The following NSMF variants were observed in gnomAD, a reference collection of about 807,000 sequenced individuals.
The protein encoded by NSMF is nasal embryonic LHRH factor.
NSMF carries 31 observed loss-of-function variants against 71.0 expected under a neutral mutation model. That is an observed-to-expected ratio of 0.44 (90% CI 0.33 to 0.59). The LOEUF (loss-of-function observed/expected upper bound fraction) is 0.59. NSMF is among the 20% of genes least tolerant of loss of function. The probability of loss-of-function intolerance (pLI) is 0.04; values close to 1 mark genes in which losing one functional copy is unlikely to be tolerated. For missense variants in NSMF, 673 were observed against 740.5 expected, an observed-to-expected ratio of 0.91 and a Z score of 1.06; for synonymous variants, 345 against 287.1, an observed-to-expected ratio of 1.20 and a Z score of -2.04.
intron 7 of NSMF, 91 bp downstream of exon 7, chr9:137,454,300 G>A (rs934546699): frequency 2.4e-6 from 3 of 1,264,640 alleles, no homozygotes; most frequent in Non-Finnish European, 3.4e-6. Flanking sequence ...GGGTTGGGGC[G>A]GGGGTCGTTC....
Position 137,453,635 on chromosome 9 carries a change from G to A in NSMF, c.922+96C>T. 1.1e-6 allele frequency: 1 copy of A among 911,456 alleles called. No homozygotes were observed. The highest frequency in any genetic ancestry group is 1.6e-6 in the Non-Finnish European group (1 of 612,214). The allele number at this position is 911,456 out of a possible 1,614,324, so 56.5% of individuals were successfully genotyped here. A position where few individuals can be genotyped will look rare whatever the true frequency, so the allele number is the denominator to read the frequency against. On this transcript the variant is annotated intron_variant, in intron 8 of 15. Transcript: ENST00000371475. This position sits in a 1 kb window ranked among gnomAD's most constrained non-coding sequence, Gnocchi z 4.5. ...TAAACCAAGATTCAGGAGTGCAAAA[G>A]CGCAGCCCAGCGGCCCTGGCAGGGG... is the stretch of plus-strand genomic sequence containing the variant.
chr9:137,456,589 A>C, intron 3 of NSMF, 103 bp from the exon 4 acceptor site: 11 of 735,210 alleles, frequency 1.5e-5, no homozygotes, highest in East Asian at 5.9e-5. Context: ...GGGTCAGCAG[A>C]AGCTGGCAGC....
chr9:137,449,465 C>T lies in NSMF; in HGVS notation c.1522G>A (p.Asp508Asn). The T allele has an allele frequency of 6.2e-7, 1 of 1,612,914 alleles. No homozygotes were observed. The highest frequency in any genetic ancestry group is 1.1e-5 in the South Asian group (1 of 91,078). Reference sequence around the variant, plus strand: ...TTCCACAGGCGATACAACCGGAAGTCAAAGTACGTCTCGATCATCTGCTTC... The same window carrying T: ...TTCCACAGGCGATACAACCGGAAGTTAAAGTACGTCTCGATCATCTGCTTC... ...QGKQMIETYFDFRLYRLWKSR... is the reference protein window; with the variant it reads ...QGKQMIETYFNFRLYRLWKSR... Residue 508 changes from aspartate to asparagine, a missense_variant, in exon 16 of 16, where the codon GAC becomes AAC. Physicochemically the swap from Asp to Asn is conservative, Grantham distance 23. Transcript: ENST00000371475.
Position 137,452,368 on chromosome 9 carries a change from G to A in NSMF, c.1233C>T (p.Cys411=). 6.2e-7 allele frequency: 1 copy of A among 1,611,604 alleles called. No individual in the cohort carries two copies. The highest frequency in any genetic ancestry group is 8.5e-7 in the Non-Finnish European group (1 of 1,179,646). ...GAKIWKMLIF[C]QGGPGHLYLL... is the part of the protein sequence containing the mutation. The stretch of plus-strand genomic sequence containing the variant: ...GGAGACGAGCACTGAGCCCCACCTG[G>A]CAGAAAATCAGCATTTTCCAGATCT... The change falls in exon 12 of 16, where the codon TGC becomes TGT. Residue 411 remains cysteine (C), a synonymous_variant. Transcript: ENST00000371475.
intron 3 of NSMF, 25 bp downstream of exon 3, chr9:137,457,382 C>T (rs1830888148): frequency 1.2e-6 from 2 of 1,612,866 alleles, no homozygotes; most frequent in East Asian, 2.2e-5. Context: ...CCAAACCTGT[C>T]TATGCCCTGA....
At chr9:137,456,052 C>T (rs529169014) in intron 4 of NSMF, among the ~76,000 whole-genome samples, 5 of 152,224 alleles carry the variant, frequency 3.3e-5, no homozygotes, top group African/African-American at 4.8e-5. Context: ...ACCTATGGCA[C>T]GTATGAAACA....
At chr9:137,458,927 G>C (rs915861894) in intron 1 of NSMF, 105 bp downstream of exon 1, 30 of 942,676 alleles carry the variant, frequency 3.2e-5, no homozygotes, top group Non-Finnish European at 4.2e-5. Flanking sequence ...CTCAGTGGCA[G>C]AGGCCGGGGC....
intron 1 of NSMF, among the ~76,000 whole-genome samples, chr9:137,458,793 G>A (rs1375067857): frequency 6.6e-6 from 1 of 152,140 alleles, no homozygotes; most frequent in East Asian, 1.9e-4. Flanking sequence ...GCTGTTCCCC[G>A]GGGGAACCGA....
Position 137,449,511 on chromosome 9 carries a change from G to A in NSMF, c.1496-20C>T, listed in dbSNP as rs765168549. 1 of 1,612,428 alleles carries A rather than the reference G, an allele frequency of 6.2e-7. No individual in the cohort carries two copies. The highest frequency in any genetic ancestry group is 8.5e-7 in the Non-Finnish European group (1 of 1,179,586). On this transcript the variant is annotated intron_variant, in intron 15 of 15. Coordinates refer to ENST00000371475, the MANE Select transcript of NSMF (RefSeq NM_001130969.3). ...GCTTCCCTGGGCGGAGCGGGGGCAG[G>A]AGGCTCAGGCCTGGCCGGCCCTGGG... is the stretch of plus-strand genomic sequence containing the variant.
intron 7 of NSMF, 35 bp downstream of exon 7, chr9:137,454,356 C>T (rs747718960): frequency 2.7e-5 from 42 of 1,544,704 alleles, no homozygotes; most frequent in Non-Finnish European, 3.2e-5. Flanking sequence ...CCAAGCGCAA[C>T]GCCGCCCCCC....
chr9:137,455,309 T>G lies in NSMF; in HGVS notation c.711-2A>C. 1 of 1,612,722 alleles carries G rather than the reference T, an allele frequency of 6.2e-7. No homozygotes were observed. Among genetic ancestry groups the G allele is most frequent in the Non-Finnish European group, 8.5e-7 (1 of 1,179,900 alleles). ...CTCTCCGCGTAGCCCCTGAACACCC[T>G]GGGAAACCACCGCGAGTCAGCACTG... On this transcript the variant is annotated splice_acceptor_variant, in intron 5 of 15. Transcript: ENST00000371475. LOFTEE classifies it high-confidence loss of function.
At chr9:137,455,175 G>A (rs1361210310) in intron 6 of NSMF, 64 bp downstream of exon 6, 11 of 1,563,480 alleles carry the variant, frequency 7.0e-6, no homozygotes, top group Non-Finnish European at 9.7e-6. Flanking sequence ...GGGCCGAGGG[G>A]GCCCAGGCCA....
In NSMF at chr9:137,449,244, CA is replaced by C. The variant is rs1839772250; in HGVS notation, c.*149del. On this transcript the variant is annotated 3_prime_UTR_variant, in exon 16 of 16. Coordinates refer to ENST00000371475, the MANE Select transcript of NSMF (RefSeq NM_001130969.3). ...CGGGTGCAGCGAGGACCGGAACCCA[CA>C]GGGGGAACCTGAGCAACGTCTGAGG... is the stretch of plus-strand genomic sequence containing the variant. 5.7e-6 allele frequency: 4 copies of C among 695,850 alleles called. No individual in the cohort carries two copies. Among genetic ancestry groups the C allele is most frequent in the Non-Finnish European group, 1.0e-5 (4 of 392,068 alleles). The allele number at this position is 695,850 out of a possible 1,614,324, so 43.1% of individuals were successfully genotyped here. A position where few individuals can be genotyped will look rare whatever the true frequency, so the allele number is the denominator to read the frequency against.
At position 137,457,422 on chromosome 9, in the gene NSMF, C is replaced by A; in HGVS notation, c.613G>T (p.Val205Phe). The change falls in exon 3 of 16, where the codon GTT becomes TTT. Residue 205 changes from valine to phenylalanine, a missense_variant. Val to Phe is a conservative substitution (Grantham distance 50, BLOSUM62 -1). Around this residue, in one of 2 missense-constraint regions of NSMF, gnomAD observed 471 missense variants for 459.6 expected, o/e 1.02. Coordinates refer to ENST00000371475, the MANE Select transcript of NSMF (RefSeq NM_001130969.3). Reference protein sequence around the residue: ...RRKKLERMYSVDRVSDDIPIR... With the variant: ...RRKKLERMYSFDRVSDDIPIR... The stretch of plus-strand genomic sequence containing the variant: ...AACCCCTCACCAGACACACGGTCAA[C>A]GCTGTACATCCTCTCCAGCTTCTTG... The A allele has an allele frequency of 6.2e-7, 1 of 1,612,956 alleles. No individual in the cohort carries two copies. The highest frequency in any genetic ancestry group is 1.6e-4 in the Middle Eastern group (1 of 6,062).
chr9:137,453,614 C>T lies in NSMF; in HGVS notation c.922+117G>A. 1 of 762,146 alleles carries T rather than the reference C, an allele frequency of 1.3e-6. No individual in the cohort carries two copies. Among genetic ancestry groups the T allele is most frequent in the South Asian group, 1.8e-5 (1 of 55,228 alleles). 47.2% of individuals were successfully genotyped at this position (762,146 alleles called of 1,614,324 possible). A position where few individuals can be genotyped will look rare whatever the true frequency, so the allele number is the denominator to read the frequency against. On this transcript the variant is annotated intron_variant, in intron 8 of 15. Transcript: ENST00000371475. This position sits in a 1 kb window ranked among gnomAD's most constrained non-coding sequence, Gnocchi z 4.5. ...CGTCCCCATCTCACAAACAGGTAAA[C>T]CAAGATTCAGGAGTGCAAAAGCGCA...
In NSMF at chr9:137,457,669, C is replaced by G; in HGVS notation, c.366G>C (p.Ala122=). Residue 122 remains alanine (A), a synonymous_variant, in exon 3 of 16, where the codon GCG becomes GCC. Transcript: ENST00000371475. ...PSPEAEAIEL[A]VVKGRRQRHP... is the part of the protein sequence containing the mutation. ...GCCGCTGCCGCCGCCCCTTCACCACCGCCAGCTCAATGGCCTCCGCCTCAG... is the reference window on the plus strand; with the variant it reads ...GCCGCTGCCGCCGCCCCTTCACCACGGCCAGCTCAATGGCCTCCGCCTCAG... 1 of 1,550,594 alleles carries G rather than the reference C, an allele frequency of 6.4e-7. No individual in the cohort carries two copies. Among genetic ancestry groups the G allele is most frequent in the Non-Finnish European group, 8.7e-7 (1 of 1,147,076 alleles).
At chr9:137,455,098 C>T (rs1427514577) in intron 6 of NSMF, 141 bp downstream of exon 6, 1 of 921,158 alleles carries the variant, frequency 1.1e-6, no homozygotes, top group Non-Finnish European at 1.8e-6. Context: ...GCCTCTCCTG[C>T]CTGCCACGTC....
At position 137,453,575 on chromosome 9, in the gene NSMF, G is replaced by C; in HGVS notation, c.922+156C>G. ...CGTTGTTAGCCCCGCCTTTGCGATCGGAGATGCTGAGGGCGTCCCCATCTC... is the reference window on the plus strand; with the variant it reads ...CGTTGTTAGCCCCGCCTTTGCGATCCGAGATGCTGAGGGCGTCCCCATCTC... On this transcript the variant is annotated intron_variant, in intron 8 of 15. Coordinates refer to ENST00000371475, the MANE Select transcript of NSMF (RefSeq NM_001130969.3). This position sits in a 1 kb window ranked among gnomAD's most constrained non-coding sequence, Gnocchi z 4.5. The C allele has an allele frequency of 3.1e-6, 2 of 648,200 alleles. No individual in the cohort carries two copies. The highest frequency in any genetic ancestry group is 2.6e-6 in the Non-Finnish European group (1 of 382,540). The allele number at this position is 648,200 out of a possible 1,614,324, so 40.2% of individuals were successfully genotyped here.
In NSMF at chr9:137,455,622, T is replaced by A; in HGVS notation, c.710+7A>T. On this transcript the variant is annotated splice_region_variant and intron_variant, in intron 5 of 15. Coordinates refer to ENST00000371475, the MANE Select transcript of NSMF (RefSeq NM_001130969.3). ...GCCCTTAGGCACCAAGTCATACAGG[T>A]ACTTACGAGATGCTGAAGCCAGGGC... The A allele has an allele frequency of 6.5e-7, 1 of 1,550,278 alleles. No homozygotes were observed.
Sources: gnomAD v4.1 joint callset for allele counts (sites outside exome capture counted in the v4.1 genomes callset) on GRCh38, gnomAD v4.1.1 for gene constraint, gnomAD v4.1.1 regional missense constraint, Gnocchi (gnomAD v3.1) non-coding constraint, MANE v1.5 for transcripts, NCBI Gene and HGNC (gene_info 2026-07-23, HGNC 2026-07-21) for gene names.